The following KCNH1 variants were observed in gnomAD, a reference collection of about 807,000 sequenced individuals.
KCNH1 encodes the protein voltage-gated delayed rectifier potassium channel KCNH1.
In KCNH1, 27 loss-of-function variants were observed where a neutral mutation model predicts 69.2. The observed-to-expected ratio is 0.39, with a 90% CI of 0.29 to 0.54. The LOEUF (loss-of-function observed/expected upper bound fraction) is 0.54. Ranked by LOEUF, KCNH1 falls within the 20% of genes least tolerant of loss-of-function variation. The pLI, the probability that KCNH1 is intolerant of heterozygous loss-of-function variation, is 0.68. For synonymous variants in KCNH1, 456 were observed against 487.7 expected (o/e 0.93, Z 0.86); for missense variants, 798 against 1,261.6 (o/e 0.63, Z 5.57).
intron 9 of KCNH1, among the ~76,000 whole-genome samples, chr1:210,783,245 A>G (rs1022213820): frequency 6.6e-6 from 1 of 152,214 alleles, no homozygotes; most frequent in African/African-American, 2.4e-5. Flanking sequence ...CCAGGATGTC[A>G]TCCTCTGCAT....
At chr1:210,741,783 CAG>C (rs1683038835) in intron 10 of KCNH1, among the ~76,000 whole-genome samples, 1 of 152,192 alleles carries the variant, frequency 6.6e-6, no homozygotes, top group Admixed American at 6.5e-5. Context: ...CATCAACCGA[CAG>C]GGGCAGCCTG....
intron 3 of KCNH1, among the ~76,000 whole-genome samples, chr1:211,096,860 A>G (rs1691165442): frequency 6.6e-6 from 1 of 152,224 alleles, no homozygotes; most frequent in African/African-American, 2.4e-5. Context: ...ACTACCTACT[A>G]TAGTAATTAA....
At chr1:210,710,722 G>A (rs1574198866) in intron 10 of KCNH1, among the ~76,000 whole-genome samples, 1 of 152,030 alleles carries the variant, frequency 6.6e-6, no homozygotes, top group Non-Finnish European at 1.5e-5. Context: ...GTCATACTTG[G>A]GTCTGCTTGC....
At chr1:210,724,924 C>T (rs1446625410) in intron 10 of KCNH1, among the ~76,000 whole-genome samples, 1 of 152,118 alleles carries the variant, frequency 6.6e-6, no homozygotes, top group African/African-American at 2.4e-5. Context: ...ACAGAACATC[C>T]CATCTCCCTG....
chr1:211,005,409 T>C (rs1689261898), intron 6 of KCNH1, among the ~76,000 whole-genome samples: 1 of 152,114 alleles, frequency 6.6e-6, no homozygotes, highest in Non-Finnish European at 1.5e-5. Flanking sequence ...GGTGCGGTAA[T>C]ATACAAACAA....
chr1:210,715,670 A>G (rs965861350), intron 10 of KCNH1, among the ~76,000 whole-genome samples: 7 of 152,332 alleles, frequency 4.6e-5, no homozygotes, highest in South Asian at 2.1e-4. Context: ...ATGAGTTGCT[A>G]TGATTTTTCA....
intron 3 of KCNH1, among the ~76,000 whole-genome samples, chr1:211,099,132 A>T (rs1404737602): frequency 6.6e-6 from 1 of 152,208 alleles, no homozygotes. Flanking sequence ...AATTATATTT[A>T]TGAGGAATTT....
intron 6 of KCNH1, among the ~76,000 whole-genome samples, chr1:210,989,086 A>G (rs1295850165): frequency 5.9e-5 from 9 of 152,232 alleles, no homozygotes; most frequent in Non-Finnish European, 1.3e-4. Context: ...GAGTTGAATC[A>G]AACAGTGACA....
At chr1:210,722,500 G>T (rs1331121829) in intron 10 of KCNH1, among the ~76,000 whole-genome samples, 4 of 152,112 alleles carry the variant, frequency 2.6e-5, no homozygotes, top group Admixed American at 2.6e-4. Flanking sequence ...TGTGCCCCTG[G>T]GAGCAGGGGA....
intron 7 of KCNH1, among the ~76,000 whole-genome samples, chr1:210,808,471 T>C (rs1302993648): frequency 6.6e-6 from 1 of 152,168 alleles, no homozygotes; most frequent in African/African-American, 2.4e-5. Context: ...AGGAGGCCCT[T>C]GCTCAATTAC....
chr1:210,932,798 C>G (rs1170729630), intron 6 of KCNH1, among the ~76,000 whole-genome samples: 1 of 152,048 alleles, frequency 6.6e-6, no homozygotes, highest in East Asian at 1.9e-4. Flanking sequence ...ATCAATTTAG[C>G]AAGACAATAT....
chr1:210,838,673 A>G (rs1685337924), intron 7 of KCNH1, among the ~76,000 whole-genome samples: 1 of 152,328 alleles, frequency 6.6e-6, no homozygotes, highest in African/African-American at 2.4e-5. Flanking sequence ...TCCATCTGAC[A>G]AAGGTCTAAT....
chr1:210,964,703 A>G (rs12752336), intron 6 of KCNH1, among the ~76,000 whole-genome samples: 52,133 of 152,026 alleles, frequency 0.34, 9,305 homozygotes, highest in Non-Finnish European at 0.38. Context: ...TCCTTCTGAA[A>G]CTATTCCAAT....
intron 7 of KCNH1, among the ~76,000 whole-genome samples, chr1:210,867,653 AG>A (rs570069014): frequency 3.0e-4 from 46 of 152,062 alleles, no homozygotes; most frequent in Non-Finnish European, 5.6e-4. Context: ...TACCCCAAAA[AG>A]TCCCTTGTGC....
chr1:211,063,746 A>G (rs1309464001), intron 5 of KCNH1: 17 of 143,778 alleles, frequency 1.2e-4, no homozygotes, highest in Non-Finnish European at 1.2e-4. Context: ...ATCTCGGGAG[A>G]AAAAAAAAAA....
chr1:210,776,025 G>A (rs1290677418), intron 9 of KCNH1, among the ~76,000 whole-genome samples: 1 of 152,222 alleles, frequency 6.6e-6, no homozygotes, highest in African/African-American at 2.4e-5. Flanking sequence ...AAAGAATGGA[G>A]GTAGACTGTG....
intron 1 of KCNH1, among the ~76,000 whole-genome samples, chr1:211,115,140 C>G (rs947306461): frequency 6.6e-6 from 1 of 152,118 alleles, no homozygotes; most frequent in Non-Finnish European, 1.5e-5. Flanking sequence ...AGACACACAC[C>G]ACCATGACCA....
At chr1:211,009,916 CTTT>C (rs1228160365) in intron 6 of KCNH1, among the ~76,000 whole-genome samples, 3 of 152,166 alleles carry the variant, frequency 2.0e-5, no homozygotes, top group African/African-American at 7.2e-5. Context: ...GCCAAGTTCT[CTTT>C]TTATCACTCC....
intron 7 of KCNH1, among the ~76,000 whole-genome samples, chr1:210,806,818 A>AT (rs1558477719): frequency 5.5e-4 from 10 of 18,184 alleles, no homozygotes; most frequent in African/African-American, 1.2e-3. Flanking sequence ...AAAAAAAAAA[A>AT]AAAAAAAAAA....
Sources: gnomAD v4.1 joint callset for allele counts (sites outside exome capture counted in the v4.1 genomes callset) on GRCh38, gnomAD v4.1.1 for gene constraint, MANE v1.5 for transcripts, NCBI Gene and HGNC (gene_info 2026-07-23, HGNC 2026-07-21) for gene names.